Variants in NUMA1 observed in about 807,000 individuals in gnomAD.
NUMA1 encodes nuclear mitotic apparatus protein 1.
A neutral mutation model predicts 237.1 loss-of-function variants in NUMA1; 62 were observed. The observed-to-expected ratio is 0.26, with a 90% CI of 0.21 to 0.32. The LOEUF is 0.32. Ranked by LOEUF, NUMA1 falls within the 10% of genes least tolerant of loss-of-function variation. The probability of loss-of-function intolerance (pLI) is 1.00; values close to 1 mark genes in which losing one functional copy is unlikely to be tolerated. For missense variants in NUMA1, 2,533 were observed against 2,666.5 expected (o/e 0.95, Z 1.10); for synonymous variants, 1,028 against 1,066.1 (o/e 0.96, Z 0.70).
Position 72,015,353 on chromosome 11 carries a change from C to A in NUMA1, c.2150G>T (p.Ser717Ile), listed in dbSNP as rs1174344669. ...AGCCCTGCGCTTCTCCTCTTCAAGGCTGCCCTTGGTGACCTTCAAGGACTC... is the reference window on the plus strand; with the variant it reads ...AGCCCTGCGCTTCTCCTCTTCAAGGATGCCCTTGGTGACCTTCAAGGACTC... The part of the protein sequence containing the change: ...LKESLKVTKG[S>I]LEEEKRRAAD... The change falls in exon 15 of 27, where the codon AGC (serine) becomes ATC (isoleucine). Residue 717 changes from serine (S) to isoleucine (I), a missense_variant. Ser to Ile is a moderately radical substitution (Grantham distance 142). Coordinates refer to ENST00000393695, the MANE Select transcript of NUMA1 (RefSeq NM_006185.4). This position sits in a 1 kb window ranked among gnomAD's most constrained non-coding sequence, Gnocchi z 4.0. 1 of 1,613,222 alleles carries A rather than the reference C, an allele frequency of 6.2e-7. No individual in the cohort carries two copies. The highest frequency in any genetic ancestry group is 2.2e-5 in the East Asian group (1 of 44,890).
At chr11:72,069,816 A>G (rs1943366255) in intron 2 of NUMA1, 26 bp downstream of exon 2, 1 of 152,230 alleles carries the variant, frequency 6.6e-6, no homozygotes, top group South Asian at 2.1e-4. Flanking sequence ...ATGAAAAACT[A>G]GAGGGCAGAA....
intron 17 of NUMA1, 45 bp downstream of exon 17, chr11:72,010,741 C>G: frequency 6.3e-7 from 1 of 1,586,182 alleles, no homozygotes; most frequent in Non-Finnish European, 8.6e-7. Context: ...AGAATAGCTT[C>G]CCTCCCTTGT....
intron 1 of NUMA1, among the ~76,000 whole-genome samples, chr11:72,080,014 A>G (rs986321287): frequency 1.3e-5 from 2 of 152,182 alleles, no homozygotes; most frequent in African/African-American, 2.4e-5. Context: ...CCCCATCTTT[A>G]AAGTATAACA....
At chr11:72,005,572 G>T in intron 22 of NUMA1, 1 of 560,426 alleles carries the variant, frequency 1.8e-6, no homozygotes. Context: ...TCTCCCTGGA[G>T]AGGGCAGAAG....
chr11:72,012,929 C>G lies in NUMA1; in HGVS notation c.4574G>C (p.Arg1525Pro). ...GAGTTTCTGCCTCTCTTCCTGGAAC[C>G]GCTGCCTCTCCTCCAGGACCTTGAC... is the stretch of plus-strand genomic sequence containing the variant. ...AKVKVLEERQ[R>P]FQEERQKLTA... Residue 1525 changes from arginine (R) to proline (P), a missense_variant, in exon 15 of 27, where the codon CGG becomes CCG. Around this residue, in one of 3 missense-constraint regions of NUMA1, gnomAD observed 324 missense variants for 407.6 expected, o/e 0.79. Transcript: ENST00000393695. 6.2e-7 allele frequency: 1 copy of G among 1,614,108 alleles called. No individual in the cohort carries two copies. Among genetic ancestry groups the G allele is most frequent in the Non-Finnish European group, 8.5e-7 (1 of 1,179,994 alleles).
At position 72,003,516 on chromosome 11, in the gene NUMA1, G is replaced by A. The variant is rs1955404916; in HGVS notation, c.*11C>T. The A allele has an allele frequency of 6.2e-7, 1 of 1,613,474 alleles. No individual in the cohort carries two copies. Among genetic ancestry groups the A allele is most frequent in the Non-Finnish European group, 8.5e-7 (1 of 1,179,352 alleles). On this transcript the variant is annotated 3_prime_UTR_variant, in exon 27 of 27. Transcript: ENST00000393695. ...GGGACACAGGTGGGGCCACTCACTG[G>A]TACTGGCCCTTTAGTGCTTTGCCTG... is the stretch of plus-strand genomic sequence containing the variant.
At chr11:72,078,525 T>A (rs79771605) in intron 1 of NUMA1, among the ~76,000 whole-genome samples, 110 of 152,354 alleles carry the variant, frequency 7.2e-4, no homozygotes, top group African/African-American at 2.5e-3. Flanking sequence ...GTTCTAGAAT[T>A]CAAGTCTTAT....
intron 24 of NUMA1, 123 bp downstream of exon 24, chr11:72,004,517 T>A: frequency 7.9e-7 from 1 of 1,261,566 alleles, no homozygotes; most frequent in Non-Finnish European, 1.1e-6. Context: ...GGTCAGGCCC[T>A]TGGAGAGAGG....
intron 2 of NUMA1, among the ~76,000 whole-genome samples, chr11:72,037,727 CAT>C (rs763941851): frequency 2.6e-5 from 4 of 152,212 alleles, no homozygotes; most frequent in African/African-American, 4.8e-5. Flanking sequence ...CATGATTCCA[CAT>C]GTCATACCAG....
At chr11:72,028,134 G>A (rs941850120) in intron 4 of NUMA1, among the ~76,000 whole-genome samples, 1 of 152,198 alleles carries the variant, frequency 6.6e-6, no homozygotes, top group South Asian at 2.1e-4. Flanking sequence ...ACTTGGCCCC[G>A]CTAGACCTTG....
At chr11:72,051,887 C>A (rs182785945) in intron 2 of NUMA1, among the ~76,000 whole-genome samples, 236 of 152,244 alleles carry the variant, frequency 1.6e-3, no homozygotes, top group African/African-American at 5.5e-3. Flanking sequence ...GGTAAGATAA[C>A]ACAAGCAAGG....
rs200298289 is a variant in NUMA1, at chr11:72,014,235, G to T, written c.3268C>A (p.Leu1090Met). Residue 1090 changes from leucine (L) to methionine (M), a missense_variant, in exon 15 of 27, where the codon CTG (leucine) becomes ATG (methionine). Leu to Met is a conservative substitution (Grantham distance 15). Transcript: ENST00000393695. This position sits in a 1 kb window ranked among gnomAD's most constrained non-coding sequence, Gnocchi z 4.6. ...LEELRQTVKQ[L>M]KEQLAKKEKE... is the part of the protein sequence containing the mutation. ...TCTTTCTTAGCCAGCTGTTCCTTCA[G>T]TTGCTTCACGGTTTGCCGAAGTTCC... 1.2e-4 allele frequency: 186 copies of T among 1,614,004 alleles called. No homozygotes were observed. The African/African-American group carries it at 2.1e-3, about 18-fold the overall frequency.
At chr11:72,073,367 C>T (rs1044477723) in intron 1 of NUMA1, among the ~76,000 whole-genome samples, 2 of 150,982 alleles carry the variant, frequency 1.3e-5, no homozygotes, top group Admixed American at 1.3e-4. Context: ...TTATTAAGCA[C>T]ACTCTCAGTA....
At chr11:72,049,828 A>G (rs947882167) in intron 2 of NUMA1, among the ~76,000 whole-genome samples, 17 of 151,160 alleles carry the variant, frequency 1.1e-4, no homozygotes, top group African/African-American at 4.1e-4. Flanking sequence ...GTCTCTAAAA[A>G]AATAAAATAA....
At position 72,004,292 on chromosome 11, in the gene NUMA1, C is replaced by T. The variant is rs781306551; in HGVS notation, c.6056G>A (p.Arg2019Gln). Reference protein sequence around the residue: ...CFPRPMTPRDRHEGRKQSTTE... With the variant: ...CFPRPMTPRDQHEGRKQSTTE... Reference sequence around the variant, plus strand: ...AGTGCTCTGTTTGCGCCCTTCATGTCGGTCTCGGGGAGTCATGGGGCGTGG... The same window carrying T: ...AGTGCTCTGTTTGCGCCCTTCATGTTGGTCTCGGGGAGTCATGGGGCGTGG... Residue 2019 changes from arginine to glutamine, a missense_variant, in exon 25 of 27, where the codon CGA becomes CAA. Around this residue, in one of 3 missense-constraint regions of NUMA1, gnomAD observed 795 missense variants for 750.8 expected, o/e 1.06. Coordinates refer to ENST00000393695, the MANE Select transcript of NUMA1 (RefSeq NM_006185.4). 4.4e-5 allele frequency: 71 copies of T among 1,613,358 alleles called. 1 individual carries two copies. In the South Asian group the frequency reaches 5.8e-4, roughly 13 times the overall value.
At chr11:72,018,332 A>G in intron 11 of NUMA1, 32 bp from the exon 12 acceptor site, 1 of 1,608,386 alleles carries the variant, frequency 6.2e-7, no homozygotes, top group Non-Finnish European at 8.5e-7. Flanking sequence ...AGAAGAGAGT[A>G]TGGGTTCCTG....
At position 72,016,085 on chromosome 11, in the gene NUMA1, C is replaced by T; in HGVS notation, c.1418G>A (p.Ser473Asn). ...QLSSLITDLQ[S>N]SISNLSQAKE... The stretch of plus-strand genomic sequence containing the variant: ...GGCCTGGCTGAGGTTGGAGATGGAG[C>T]TCTGCAGGTCAGTGATCAGGCTAGA... The change falls in exon 15 of 27, where the codon AGC (serine) becomes AAC (asparagine). Residue 473 changes from serine to asparagine, a missense_variant. Around this residue, in one of 3 missense-constraint regions of NUMA1, gnomAD observed 1,414 missense variants for 1,508.1 expected, o/e 0.94. Coordinates refer to ENST00000393695, the MANE Select transcript of NUMA1 (RefSeq NM_006185.4). 6.2e-7 allele frequency: 1 copy of T among 1,614,162 alleles called. No individual in the cohort carries two copies. Among genetic ancestry groups the T allele is most frequent in the Non-Finnish European group, 8.5e-7 (1 of 1,180,032 alleles).
At chr11:72,061,047 G>A (rs997575207) in intron 2 of NUMA1, among the ~76,000 whole-genome samples, 2 of 152,190 alleles carry the variant, frequency 1.3e-5, no homozygotes, top group African/African-American at 4.8e-5. Flanking sequence ...CCAGCCTGGC[G>A]ACAGAGCAAG....
At position 72,013,836 on chromosome 11, in the gene NUMA1, T is replaced by C; in HGVS notation, c.3667A>G (p.Lys1223Glu). The change falls in exon 15 of 27, where the codon AAA (lysine) becomes GAA (glutamate). Residue 1223 changes from lysine (K) to glutamate (E), a missense_variant. Lys to Glu is a moderately conservative substitution (Grantham distance 56, BLOSUM62 1). Around this residue, in one of 3 missense-constraint regions of NUMA1, gnomAD observed 1,414 missense variants for 1,508.1 expected, o/e 0.94. Coordinates refer to ENST00000393695, the MANE Select transcript of NUMA1 (RefSeq NM_006185.4). The surrounding 1 kb of genome is among the most constrained non-coding windows in gnomAD (Gnocchi z 6.8). Reference sequence around the variant, plus strand: ...TCCAAGCTGCTGATGAGGCTATTTTTCCTCTCAGCCTCTTGCCGGCCCCGG... The same window carrying C: ...TCCAAGCTGCTGATGAGGCTATTTTCCCTCTCAGCCTCTTGCCGGCCCCGG... ...VARGRQEAER[K>E]NSLISSLEEE... 1 of 1,612,662 alleles carries C rather than the reference T, an allele frequency of 6.2e-7. No homozygotes were observed. Among genetic ancestry groups the C allele is most frequent in the Non-Finnish European group, 8.5e-7 (1 of 1,180,016 alleles).
Sources: gnomAD v4.1 joint callset for allele counts (sites outside exome capture counted in the v4.1 genomes callset) on GRCh38, gnomAD v4.1.1 for gene constraint, gnomAD v4.1.1 regional missense constraint, Gnocchi (gnomAD v3.1) non-coding constraint, MANE v1.5 for transcripts, NCBI Gene and HGNC (gene_info 2026-07-23, HGNC 2026-07-21) for gene names.